The following VSTM2A variants were observed in gnomAD, a reference collection of about 807,000 sequenced individuals.
VSTM2A encodes V-set and transmembrane domain-containing protein 2A.
In VSTM2A, 13 loss-of-function variants were observed where a neutral mutation model predicts 27.3. The observed-to-expected ratio is 0.48, with a 90% CI of 0.31 to 0.76. VSTM2A has a LOEUF of 0.76. Ranked by LOEUF, VSTM2A falls within the 30% of genes least tolerant of loss-of-function variation. The pLI is 0.05. For synonymous variants in VSTM2A, 142 were observed against 125.7 expected (o/e 1.13, Z -0.87); for missense variants, 280 against 310.0 (o/e 0.90, Z 0.73).
At chr7:54,552,356 C>A (rs889324035) in intron 4 of VSTM2A, 3 of 152,174 alleles carry the variant, frequency 2.0e-5, no homozygotes, top group Non-Finnish European at 4.4e-5. Context: ...GAAGCTGGGG[C>A]AGTCCAGTCA....
chr7:54,561,966 C>A (rs1788576331), intron 4 of VSTM2A, among the ~76,000 whole-genome samples: 1 of 151,904 alleles, frequency 6.6e-6, no homozygotes, highest in South Asian at 2.1e-4. Flanking sequence ...ACTCTGTCAC[C>A]CAGGCTGGAG....
Position 54,549,990 on chromosome 7 carries a change from A to C in VSTM2A, c.454A>C (p.Ser152Arg). 6.2e-7 allele frequency: 1 copy of C among 1,613,318 alleles called. No individual in the cohort carries two copies. Among genetic ancestry groups the C allele is most frequent in the Non-Finnish European group, 8.5e-7 (1 of 1,179,590 alleles). ...GGCCTATCTGAAAGTCAATGCCAAC[A>C]GCCATGCCCGCAGAATGCAGGCCTT... The part of the protein sequence containing the change: ...AQAYLKVNAN[S>R]HARRMQAFEA... The change falls in exon 4 of 5, where the codon AGC becomes CGC. Residue 152 changes from serine (S) to arginine (R), a missense_variant. Coordinates refer to ENST00000402613, the MANE Select transcript of VSTM2A (RefSeq NM_001301009.2).
chr7:54,548,856 A>C (rs1200712018), intron 3 of VSTM2A, among the ~76,000 whole-genome samples: 7 of 151,888 alleles, frequency 4.6e-5, no homozygotes, highest in Non-Finnish European at 8.8e-5. Flanking sequence ...CATTAGCAGA[A>C]AAAATAACTT....
intron 4 of VSTM2A, among the ~76,000 whole-genome samples, chr7:54,562,967 A>G (rs1788608238): frequency 6.6e-6 from 1 of 152,218 alleles, no homozygotes. Flanking sequence ...CATTTTAGCA[A>G]CACTTGTCTA....
chr7:54,565,403 C>T lies in VSTM2A; in HGVS notation c.635-3728C>T, dbSNP rs535344201. On this transcript the variant is annotated intron_variant, in intron 4 of 4. Coordinates refer to ENST00000402613, the MANE Select transcript of VSTM2A (RefSeq NM_001301009.2). ...CGTTTTGGAGGGCAAGGTGTGGGCA[C>T]GCGGAGGGATGCAGCACTGTTCAGC... Among the ~76,000 whole-genome samples the T allele has an allele frequency of 2.2e-4, 33 of 152,226 alleles. No homozygotes were observed. In the South Asian group the frequency reaches 4.4e-3, roughly 20 times the overall value.
chr7:54,553,838 C>A, intron 4 of VSTM2A: 1 of 1,551,014 alleles, frequency 6.4e-7, no homozygotes, highest in South Asian at 1.2e-5. Context: ...CTAAGTCATT[C>A]TCTACTTGTT....
At chr7:54,547,706 G>A (rs1368823277) in intron 3 of VSTM2A, among the ~76,000 whole-genome samples, 1 of 152,026 alleles carries the variant, frequency 6.6e-6, no homozygotes, top group African/African-American at 2.4e-5. Context: ...AAATAGAAAC[G>A]AAATAGGTAT....
intron 2 of VSTM2A, 54 bp from the exon 3 acceptor site, chr7:54,546,893 G>GCGGGTGGT (rs1417532647): frequency 1.3e-6 from 2 of 1,591,478 alleles, no homozygotes; most frequent in Non-Finnish European, 1.7e-6. Flanking sequence ...TCGCGTGGGA[G>GCGGGTGGT]CGGGTGGTCG....
Position 54,546,816 on chromosome 7 carries a change from C to CACCCCT in VSTM2A, c.247-131_247-130insACCCCT, listed in dbSNP as rs1300872469. On this transcript the variant is annotated intron_variant, in intron 2 of 4. Coordinates refer to ENST00000402613, the MANE Select transcript of VSTM2A (RefSeq NM_001301009.2). ...GTCTGGGCCTGGACAGGGGTGGCCA[C>CACCCCT]GCCCCTGGTCGCTCCCCTGTCCCCA... is the stretch of plus-strand genomic sequence containing the variant. The CACCCCT allele has an allele frequency of 5.6e-6, 6 of 1,078,716 alleles. No homozygotes were observed. The Admixed American group carries it at 1.7e-4, about 30-fold the overall frequency. The allele number at this position is 1,078,716 out of a possible 1,614,324, so 66.8% of individuals were successfully genotyped here.
At chr7:54,553,771 T>A in intron 4 of VSTM2A, 1 of 1,499,890 alleles carries the variant, frequency 6.7e-7, no homozygotes, top group South Asian at 1.3e-5. Context: ...AGGTCCCTCT[T>A]CGCAGAGAAC....
In VSTM2A at chr7:54,550,025, G is replaced by T. The variant is rs376317939; in HGVS notation, c.489G>T (p.Ser163=). The T allele has an allele frequency of 3.7e-6, 6 of 1,610,820 alleles. No individual in the cohort carries two copies. The highest frequency in any genetic ancestry group is 1.7e-4 in the Middle Eastern group (1 of 6,058). ...GCAGAATGCAGGCCTTCGAAGCCTC[G>T]CCCATGTGGCTGCAGGATATGAAGC... ...HARRMQAFEA[S]PMWLQDMKPR... is the part of the protein sequence containing the mutation. The change falls in exon 4 of 5, where the codon TCG becomes TCT. Residue 163 remains serine (S), a synonymous_variant. Coordinates refer to ENST00000402613, the MANE Select transcript of VSTM2A (RefSeq NM_001301009.2).
At chr7:54,546,837 C>CCCCTGGTCGCTCCCCTGTA in intron 2 of VSTM2A, 110 bp from the exon 3 acceptor site, 1 of 1,463,744 alleles carries the variant, frequency 6.8e-7, no homozygotes, top group Non-Finnish European at 9.2e-7. Context: ...GCTCCCCTGT[C>CCCCTGGTCGCTCCCCTGTA]CCCAGGTCAC....
intron 4 of VSTM2A, chr7:54,553,864 C>T (rs1035146520): frequency 1.3e-6 from 2 of 1,551,070 alleles, no homozygotes; most frequent in African/African-American, 2.7e-5. Flanking sequence ...CTGTCTCATC[C>T]AGTGTCTCCA....
At chr7:54,556,205 G>T (rs926156003) in intron 4 of VSTM2A, among the ~76,000 whole-genome samples, 11 of 152,186 alleles carry the variant, frequency 7.2e-5, no homozygotes, top group African/African-American at 2.7e-4. Context: ...GCTGGTATTT[G>T]TAAGGAAACT....
intron 4 of VSTM2A, chr7:54,552,598 C>T (rs1788229476): frequency 6.6e-6 from 1 of 152,202 alleles, no homozygotes; most frequent in Non-Finnish European, 1.5e-5. Context: ...ATACCAGGCA[C>T]AGGGACACAA....
intron 2 of VSTM2A, 59 bp downstream of exon 2, chr7:54,544,847 G>A (rs930787128): frequency 1.3e-6 from 2 of 1,511,490 alleles, no homozygotes; most frequent in Non-Finnish European, 1.8e-6. Context: ...CAGGGTGTCC[G>A]GCCCGGGGCT....
At chr7:54,566,583 G>T (rs1368585811) in intron 4 of VSTM2A, among the ~76,000 whole-genome samples, 1 of 152,076 alleles carries the variant, frequency 6.6e-6, no homozygotes, top group African/African-American at 2.4e-5. Context: ...TGTATTAAGG[G>T]GAAAACATTA....
chr7:54,554,219 AC>A (rs1788281670), intron 4 of VSTM2A: 1 of 1,344,568 alleles, frequency 7.4e-7, no homozygotes, highest in African/African-American at 1.5e-5. Flanking sequence ...TGACACTCTT[AC>A]CTCTCTTCTC....
At chr7:54,544,238 G>C (rs556387059) in intron 1 of VSTM2A, among the ~76,000 whole-genome samples, 2 of 152,180 alleles carry the variant, frequency 1.3e-5, no homozygotes, top group African/African-American at 2.4e-5. Context: ...AAACTTAGAG[G>C]CAAGAGACTC....
Sources: allele counts gnomAD v4.1 joint callset (sites outside exome capture counted in the v4.1 genomes callset), GRCh38; gene constraint gnomAD v4.1.1; transcripts MANE v1.5; gene names NCBI Gene and HGNC (gene_info 2026-07-23, HGNC 2026-07-21).